The following ABLIM1 variants were observed in gnomAD, a reference collection of about 807,000 sequenced individuals.
ABLIM1 encodes actin-binding LIM protein 1.
In ABLIM1, 40 loss-of-function variants were observed where a neutral mutation model predicts 107.0. The ratio of observed to expected loss-of-function variants is 0.37; its 90% CI spans 0.29 to 0.49. The LOEUF (loss-of-function observed/expected upper bound fraction) is 0.49. Ranked by LOEUF, ABLIM1 falls within the 20% of genes least tolerant of loss-of-function variation. The probability of loss-of-function intolerance (pLI) is 0.97; values close to 1 mark genes in which losing one functional copy is unlikely to be tolerated. For missense variants in ABLIM1, 857 were observed against 1,008.5 expected, an observed-to-expected ratio of 0.85 and a Z score of 2.04; for synonymous variants, 357 against 357.3, an observed-to-expected ratio of 1.00 and a Z score of 0.01.
chr10:114,504,617 G>A (rs1168575552), intron 6 of ABLIM1, among the ~76,000 whole-genome samples: 1 of 152,228 alleles, frequency 6.6e-6, no homozygotes, highest in African/African-American at 2.4e-5. Context: ...TCTGGTCCCT[G>A]GGACCAGAAA....
At chr10:114,796,330 C>A in the ABLIM1 span, among the ~76,000 whole-genome samples, 1 of 152,156 alleles carries the variant, frequency 6.6e-6, no homozygotes, top group African/African-American at 2.4e-5. Flanking sequence ...CATCTGAAGG[C>A]TTGACTGGAG....
intron 1 of ABLIM1, among the ~76,000 whole-genome samples, chr10:114,681,210 TGA>T (rs925544416): frequency 2.0e-5 from 3 of 152,166 alleles, no homozygotes; most frequent in African/African-American, 7.2e-5. Context: ...ATTTTTATAT[TGA>T]GAGAGAGAGT....
intron 6 of ABLIM1, among the ~76,000 whole-genome samples, chr10:114,543,509 C>T (rs1412516076): frequency 1.3e-5 from 2 of 152,218 alleles, no homozygotes; most frequent in African/African-American, 4.8e-5. Flanking sequence ...TAGTTGGATA[C>T]ACCACATGTT....
chr10:114,704,302 C>CTCTCTATATATATATATA (rs1380460034), intron 1 of ABLIM1, among the ~76,000 whole-genome samples: 6 of 43,056 alleles, frequency 1.4e-4, no homozygotes, highest in Non-Finnish European at 2.8e-4. Context: ...CTCTCTCTCT[C>CTCTCTATATATATATATA]TATATATATA....
intron 10 of ABLIM1, among the ~76,000 whole-genome samples, chr10:114,472,634 C>G (rs1292261942): frequency 6.6e-6 from 1 of 152,102 alleles, no homozygotes; most frequent in Non-Finnish European, 1.5e-5. Flanking sequence ...CATGAATATA[C>G]TTAAAGCTTA....
intron 1 of ABLIM1, among the ~76,000 whole-genome samples, chr10:114,673,108 A>AT (rs1387831230): frequency 6.6e-6 from 1 of 152,036 alleles, no homozygotes; most frequent in Non-Finnish European, 1.5e-5. Flanking sequence ...AAATACAAAA[A>AT]TTAGCCAGTC....
At chr10:114,656,200 G>A in intron 1 of ABLIM1, among the ~76,000 whole-genome samples, 1 of 147,046 alleles carries the variant, frequency 6.8e-6, no homozygotes, top group Non-Finnish European at 1.5e-5. Flanking sequence ...AACTCAGGAG[G>A]CAGAGGTTGC....
chr10:114,463,302 G>A, intron 12 of ABLIM1: 2 of 952,972 alleles, frequency 2.1e-6, no homozygotes, highest in Non-Finnish European at 2.8e-6. Context: ...GAAAAGGGAG[G>A]AAGGAGAAAG....
intron 1 of ABLIM1, chr10:114,615,591 A>C (rs2077082070): frequency 2.1e-6 from 1 of 469,146 alleles, no homozygotes; most frequent in African/African-American, 2.0e-5. Context: ...CATTGTATGC[A>C]CAAAGCCAGC....
intron 1 of ABLIM1, among the ~76,000 whole-genome samples, chr10:114,666,516 T>TA (rs1210537545): frequency 6.6e-6 from 1 of 151,988 alleles, no homozygotes; most frequent in Non-Finnish European, 1.5e-5. Flanking sequence ...AAGTTAAAAG[T>TA]AAAAAAACAA....
rs1202375964 is a variant in ABLIM1 at position 114,760,445 on chromosome 10, CACACACACT to C, written c.-213+7607_-213+7615del. The stretch of plus-strand genomic sequence containing the variant: ...ACACACACACACACACACACACACA[CACACACACT>C]GACTTAGTGCTTATAGCTCAAGAAC... On this transcript the variant is annotated intron_variant, in intron 1 of 15. Transcript: ENST00000651092. Among the ~76,000 whole-genome samples the C allele has an allele frequency of 8.0e-4, 90 of 113,000 alleles. 3 individuals are homozygous for C. The South Asian group carries it at 0.024, about 30-fold the overall frequency. The allele number at this position is 113,000 out of a possible 152,430, so 74.1% of individuals were successfully genotyped here.
intron 6 of ABLIM1, among the ~76,000 whole-genome samples, chr10:114,501,568 A>G (rs1344182852): frequency 6.6e-6 from 1 of 152,232 alleles, no homozygotes; most frequent in African/African-American, 2.4e-5. Flanking sequence ...CCCATTCCCA[A>G]CTATTAAAAT....
At chr10:114,440,394 C>T (rs920080165) in intron 19 of ABLIM1, among the ~76,000 whole-genome samples, 3 of 152,156 alleles carry the variant, frequency 2.0e-5, no homozygotes, top group Non-Finnish European at 2.9e-5. Context: ...CTTCTTTCTG[C>T]CATATGCATT....
intron 6 of ABLIM1, among the ~76,000 whole-genome samples, chr10:114,527,636 A>G (rs2064966713): frequency 6.6e-6 from 1 of 151,154 alleles, no homozygotes; most frequent in South Asian, 2.1e-4. Flanking sequence ...GGATGATGGA[A>G]AGATTTCTGT....
At chr10:114,740,775 G>A (rs2082270793) in intron 1 of ABLIM1, among the ~76,000 whole-genome samples, 1 of 152,066 alleles carries the variant, frequency 6.6e-6, no homozygotes, top group Admixed American at 6.6e-5. Flanking sequence ...TGGGCGTGGT[G>A]GCTCATGCCT....
chr10:114,689,267 C>T (rs2081016428), upstream of ABLIM1, among the ~76,000 whole-genome samples: 1 of 152,094 alleles, frequency 6.6e-6, no homozygotes, highest in African/African-American at 2.4e-5. Context: ...CACCTGTCTT[C>T]CAAATCTGTA....
intron 12 of ABLIM1, among the ~76,000 whole-genome samples, chr10:114,455,967 C>G (rs1479733478): frequency 6.6e-6 from 1 of 152,300 alleles, no homozygotes; most frequent in African/African-American, 2.4e-5. Flanking sequence ...CGCCCGCCAC[C>G]GCGCCCGGCT....
intron 1 of ABLIM1, among the ~76,000 whole-genome samples, chr10:114,638,510 A>G (rs1188534263): frequency 6.6e-6 from 1 of 152,132 alleles, no homozygotes; most frequent in Non-Finnish European, 1.5e-5. Context: ...ATTATACTTT[A>G]TATGTGAGAA....
chr10:114,645,370 T>C (rs892043100), intron 1 of ABLIM1, among the ~76,000 whole-genome samples: 6 of 152,192 alleles, frequency 3.9e-5, no homozygotes, highest in African/African-American at 1.2e-4. Context: ...ACTGGCTTGA[T>C]ATTGCACCTT....
Sources: allele counts gnomAD v4.1 joint callset (sites outside exome capture counted in the v4.1 genomes callset), GRCh38; gene constraint gnomAD v4.1.1; transcripts MANE v1.5; gene names NCBI Gene and HGNC (gene_info 2026-07-23, HGNC 2026-07-21).